CA10: variants seen among roughly 807,000 people sequenced by gnomAD.
CA10 encodes the protein carbonic anhydrase-related protein 10.
Under a neutral mutation model 44.2 loss-of-function variants are expected in CA10, and 14 were observed. The observed-to-expected ratio is 0.32, with a 90% CI of 0.21 to 0.50. The LOEUF (loss-of-function observed/expected upper bound fraction) is 0.50, where lower values mean the gene tolerates loss of function less well. CA10 is among the 20% of genes least tolerant of loss of function. The probability of loss-of-function intolerance (pLI) is 0.99; values close to 1 mark genes in which losing one functional copy is unlikely to be tolerated. For synonymous variants in CA10, 159 were observed against 141.6 expected (o/e 1.12, Z -0.87); for missense variants, 350 against 409.7 (o/e 0.85, Z 1.26).
chr17:51,843,517 T>TC (rs1167961754), intron 3 of CA10, among the ~76,000 whole-genome samples: 1 of 152,158 alleles, frequency 6.6e-6, no homozygotes, highest in Non-Finnish European at 1.5e-5. Context: ...TGATTTTTTT[T>TC]CCCCCACGTG....
At chr17:51,910,925 T>C (rs1234402742) in intron 3 of CA10, among the ~76,000 whole-genome samples, 4 of 152,210 alleles carry the variant, frequency 2.6e-5, no homozygotes, top group Non-Finnish European at 1.5e-5. Flanking sequence ...CGCCTTTCAA[T>C]TTATCACTTT....
At chr17:52,123,458 G>A (rs765679705) in intron 1 of CA10, among the ~76,000 whole-genome samples, 4 of 151,210 alleles carry the variant, frequency 2.6e-5, no homozygotes, top group Non-Finnish European at 5.9e-5. Context: ...CTAGTTCTTT[G>A]GGGACCTAAG....
chr17:51,815,030 A>G (rs953129189), intron 3 of CA10, among the ~76,000 whole-genome samples: 2 of 152,174 alleles, frequency 1.3e-5, no homozygotes, highest in East Asian at 3.9e-4. Context: ...TGCGTTGAAC[A>G]TTCCAGAGAC....
intron 3 of CA10, among the ~76,000 whole-genome samples, chr17:51,867,704 G>C (rs1037373852): frequency 1.3e-5 from 2 of 152,180 alleles, no homozygotes; most frequent in Admixed American, 6.5e-5. Flanking sequence ...GTGATCTACT[G>C]AAGCTAAGTC....
chr17:51,812,302 G>A lies in CA10; in HGVS notation c.280-64484C>T, dbSNP rs375599063. On this transcript the variant is annotated intron_variant, in intron 3 of 8. Transcript: ENST00000451037. ...TTACTAATTCTTTTCATAATTTTAC[G>A]TTTTTTTCTGGAGTACATTAGCATT... Among the ~76,000 whole-genome samples, 111 of 152,134 alleles carry A rather than the reference G, an allele frequency of 7.3e-4. 1 individual carries two copies. The South Asian group carries it at 0.02, about 27-fold the overall frequency.
At chr17:52,088,259 A>C (rs1397452842) in intron 1 of CA10, among the ~76,000 whole-genome samples, 2 of 152,232 alleles carry the variant, frequency 1.3e-5, no homozygotes, top group African/African-American at 4.8e-5. Flanking sequence ...TAAAAGGAAG[A>C]ATTAGTTGTC....
At chr17:51,792,700 G>C (rs988754845) in intron 3 of CA10, among the ~76,000 whole-genome samples, 1 of 152,188 alleles carries the variant, frequency 6.6e-6, no homozygotes, top group African/African-American at 2.4e-5. Flanking sequence ...CCAGTAGAGA[G>C]GCTGGTCTGC....
In CA10 at chr17:51,966,273, G is replaced by T. The variant is rs117613889; in HGVS notation, c.137-35141C>A. On this transcript the variant is annotated intron_variant, in intron 2 of 8. Coordinates refer to ENST00000451037, the MANE Select transcript of CA10 (RefSeq NM_020178.5). Reference sequence around the variant, plus strand: ...TGGAAGGATCAATATTTTTAAAATGGCCATGCTGCCCAGTGCAATCTACAG... The same window carrying T: ...TGGAAGGATCAATATTTTTAAAATGTCCATGCTGCCCAGTGCAATCTACAG... Among the ~76,000 whole-genome samples, 94 of 151,910 alleles carry T rather than the reference G, an allele frequency of 6.2e-4. 1 individual carries two copies. The East Asian group carries it at 0.016, about 26-fold the overall frequency.
intron 6 of CA10, among the ~76,000 whole-genome samples, chr17:51,645,395 CTATA>C (rs1913284951): frequency 6.6e-6 from 1 of 152,156 alleles, no homozygotes; most frequent in African/African-American, 2.4e-5. Flanking sequence ...TCTCTGGTGA[CTATA>C]TATGTCAGTA....
At chr17:51,703,670 T>C (rs1357477238) in intron 4 of CA10, among the ~76,000 whole-genome samples, 1 of 152,204 alleles carries the variant, frequency 6.6e-6, no homozygotes, top group South Asian at 2.1e-4. Context: ...AGGTGTGCGA[T>C]GTACAAGAGT....
chr17:51,831,733 A>AGCAGCAGCCGCCGCAGC (rs1567854687), intron 3 of CA10, among the ~76,000 whole-genome samples: 4 of 121,582 alleles, frequency 3.3e-5, no homozygotes, highest in African/African-American at 1.7e-4. Context: ...GCAGCAGCAG[A>AGCAGCAGCCGCCGCAGC]AAAAGACCTT....
chr17:51,743,739 T>C (rs1904557407), intron 4 of CA10, among the ~76,000 whole-genome samples: 1 of 152,218 alleles, frequency 6.6e-6, no homozygotes, highest in Non-Finnish European at 1.5e-5. Context: ...AATGTGATCA[T>C]TCACTGTCAA....
At chr17:51,704,256 C>A (rs1207183873) in intron 4 of CA10, among the ~76,000 whole-genome samples, 1 of 152,074 alleles carries the variant, frequency 6.6e-6, no homozygotes, top group Non-Finnish European at 1.5e-5. Context: ...GTTGCTACTC[C>A]CACCAAACAC....
intron 2 of CA10, among the ~76,000 whole-genome samples, chr17:52,040,153 T>C (rs1236748928): frequency 6.6e-6 from 1 of 150,458 alleles, no homozygotes; most frequent in East Asian, 2.0e-4. Context: ...TTCTTTTTTT[T>C]TTTTTTGGAG....
Position 51,700,629 on chromosome 17 carries a change from T to G in CA10, c.466-46893A>C, listed in dbSNP as rs113885374. ...CGTGAAGCCTGTCCCAATGACTGTA[T>G]GCTTCCCTTGCCTGCCTAACCTCTC... On this transcript the variant is annotated intron_variant, in intron 4 of 8. Coordinates refer to ENST00000451037, the MANE Select transcript of CA10 (RefSeq NM_020178.5). Among the ~76,000 whole-genome samples, 753 of 152,314 alleles carry G rather than the reference T, an allele frequency of 4.9e-3. 9 individuals carry two copies. The highest frequency in any genetic ancestry group is 0.017 in the African/African-American group (715 of 41,568).
At chr17:51,724,950 A>G (rs1916466093) in intron 4 of CA10, among the ~76,000 whole-genome samples, 1 of 152,268 alleles carries the variant, frequency 6.6e-6, no homozygotes, top group Non-Finnish European at 1.5e-5. Context: ...GAGTGCCTAC[A>G]AGGAGCCAGC....
intron 4 of CA10, among the ~76,000 whole-genome samples, chr17:51,743,763 T>C (rs1386141711): frequency 6.6e-6 from 1 of 152,196 alleles, no homozygotes; most frequent in Non-Finnish European, 1.5e-5. Context: ...AATAAACACA[T>C]GCTTTCTTGC....
At chr17:52,003,514 C>A (rs1165364808) in intron 2 of CA10, among the ~76,000 whole-genome samples, 1 of 151,964 alleles carries the variant, frequency 6.6e-6, no homozygotes, top group Non-Finnish European at 1.5e-5. Flanking sequence ...AAGTTAGTAT[C>A]TGTTAAAAGA....
At chr17:52,099,175 G>A (rs1459688020) in intron 1 of CA10, among the ~76,000 whole-genome samples, 1 of 152,120 alleles carries the variant, frequency 6.6e-6, no homozygotes, top group Non-Finnish European at 1.5e-5. Context: ...AAGGGTCACA[G>A]GCAGGAAAAT....
Sources: allele counts gnomAD v4.1 joint callset (sites outside exome capture counted in the v4.1 genomes callset), GRCh38; gene constraint gnomAD v4.1.1; transcripts MANE v1.5; gene names NCBI Gene and HGNC (gene_info 2026-07-23, HGNC 2026-07-21).